COL6A3: variants seen among roughly 807,000 people sequenced by gnomAD.
The protein encoded by COL6A3 is collagen alpha-3(VI) chain.
Under a neutral mutation model 274.1 loss-of-function variants are expected in COL6A3, and 137 were observed. The observed-to-expected ratio is 0.50, with a 90% CI of 0.44 to 0.58. The LOEUF (loss-of-function observed/expected upper bound fraction) is 0.58. COL6A3 is among the 20% of genes least tolerant of loss of function. The pLI, the probability that COL6A3 is intolerant of heterozygous loss-of-function variation, is 0.00. For missense variants in COL6A3, 3,950 were observed against 4,124.9 expected (o/e 0.96, Z 1.16); for synonymous variants, 1,650 against 1,650.6 (o/e 1.00, Z 0.01).
At chr2:237,334,358 C>T (rs886706335) in intron 41 of COL6A3, among the ~76,000 whole-genome samples, 5 of 152,158 alleles carry the variant, frequency 3.3e-5, no homozygotes, top group Non-Finnish European at 5.9e-5. Context: ...TGTGCTCAGG[C>T]GACGTGGATC....
At position 237,369,059 on chromosome 2, in the gene COL6A3, G is replaced by A. The variant is rs371075249; in HGVS notation, c.4404C>T (p.Ile1468=). Residue 1468 remains isoleucine (I), a synonymous_variant, in exon 10 of 44, where the codon ATC becomes ATT. Coordinates refer to ENST00000295550, the MANE Select transcript of COL6A3 (RefSeq NM_004369.4). ...CCCCAACTCTCACTTTACTGGGGCC[G>A]ATGTTGAGTCTTCGAACAATCCTGC... The part of the protein sequence containing the change: ...FVSRIVRRLN[I]GPSKVRVGVV... 47 of 1,614,200 alleles carry A rather than the reference G, an allele frequency of 2.9e-5. No homozygotes were observed. The highest frequency in any genetic ancestry group is 6.7e-5 in the East Asian group (3 of 44,878).
intron 1 of COL6A3, among the ~76,000 whole-genome samples, chr2:237,405,331 G>A (rs1661387688): frequency 1.3e-5 from 2 of 152,042 alleles, no homozygotes; most frequent in Non-Finnish European, 2.9e-5. Context: ...TCTATTGTTT[G>A]TCATGTCCTG....
At position 237,344,329 on chromosome 2, in the gene COL6A3, C is replaced by G. The variant is rs11897148; in HGVS notation, c.7668+21G>C. 5,788 of 1,614,150 alleles carry G rather than the reference C, an allele frequency of 3.6e-3. 165 individuals carry two copies. In the African/African-American group the frequency reaches 0.058, roughly 16 times the overall value. On this transcript the variant is annotated intron_variant, in intron 36 of 43. Coordinates refer to ENST00000295550, the MANE Select transcript of COL6A3 (RefSeq NM_004369.4). The surrounding 1 kb of genome is among the most constrained non-coding windows in gnomAD (Gnocchi z 4.8). ...GCCCCAGAAGAAAGGGAGATGCCAACAGCACGCACAGAGCACAGACCTGCA... is the reference window on the plus strand; with the variant it reads ...GCCCCAGAAGAAAGGGAGATGCCAAGAGCACGCACAGAGCACAGACCTGCA...
chr2:237,348,390 A>C lies in COL6A3; in HGVS notation c.6931-6T>G. The C allele has an allele frequency of 6.3e-7, 1 of 1,592,120 alleles. No individual in the cohort carries two copies. The highest frequency in any genetic ancestry group is 8.6e-7 in the Non-Finnish European group (1 of 1,160,042). On this transcript the variant is annotated splice_polypyrimidine_tract_variant and splice_region_variant and intron_variant, in intron 29 of 43. Transcript: ENST00000295550. ...CCAGGGAATCCTCTTTCTCCCTATA[A>C]AGGAAAAATAGATTATTTAATACTT...
At position 237,378,751 on chromosome 2, in the gene COL6A3, G is replaced by T. The variant is rs1309440736; in HGVS notation, c.2382C>A (p.Ser794Arg). 16 of 1,614,060 alleles carry T rather than the reference G, an allele frequency of 9.9e-6. No homozygotes were observed. Among genetic ancestry groups the T allele is most frequent in the Admixed American group, 1.7e-5 (1 of 60,008 alleles). Reference sequence around the variant, plus strand: ...TGAAATCATCCATGAGATACACCAGGCTTGGGTTAAAAGCAATCTGCTCAA... The same window carrying T: ...TGAAATCATCCATGAGATACACCAGTCTTGGGTTAAAAGCAATCTGCTCAA... The part of the protein sequence containing the change: ...AELEQIAFNP[S>R]LVYLMDDFSS... Residue 794 changes from serine to arginine, a missense_variant, in exon 6 of 44, where the codon AGC (serine) becomes AGA (arginine). Transcript: ENST00000295550.
At position 237,344,277 on chromosome 2, in the gene COL6A3, A is replaced by G; in HGVS notation, c.7668+73T>C. ...ATGGGACATGAAGCCACAAAGGAGCATGGACGTGTCTGAGAACCTTCTCAG... is the reference window on the plus strand; with the variant it reads ...ATGGGACATGAAGCCACAAAGGAGCGTGGACGTGTCTGAGAACCTTCTCAG... On this transcript the variant is annotated intron_variant, in intron 36 of 43. Coordinates refer to ENST00000295550, the MANE Select transcript of COL6A3 (RefSeq NM_004369.4). This position sits in a 1 kb window ranked among gnomAD's most constrained non-coding sequence, Gnocchi z 4.8. The G allele has an allele frequency of 6.2e-7, 1 of 1,609,490 alleles. No homozygotes were observed. The highest frequency in any genetic ancestry group is 8.5e-7 in the Non-Finnish European group (1 of 1,176,918).
chr2:237,367,087 C>T lies in COL6A3; in HGVS notation c.5100G>A (p.Arg1700=), dbSNP rs34340053. The T allele has an allele frequency of 3.7e-3, 5,963 of 1,614,194 alleles. 190 individuals are homozygous for T. The African/African-American group carries it at 0.067, about 18-fold the overall frequency. ...EFFLKDFSTK[R]QIIDAINKVV... ...CTTTGTTGATGGCGTCAATAATCTG[C>T]CTCTTGGTAGAGAAGTCCTTCAGGA... Residue 1700 remains arginine, a synonymous_variant, in exon 11 of 44, where the codon AGG becomes AGA. Coordinates refer to ENST00000295550, the MANE Select transcript of COL6A3 (RefSeq NM_004369.4).
In COL6A3 at chr2:237,354,907, CG is replaced by C; in HGVS notation, c.6618del (p.Gly2207GlufsTer35). 1 of 1,613,656 alleles carries C rather than the reference CG, an allele frequency of 6.2e-7. No individual in the cohort carries two copies. Among genetic ancestry groups the C allele is most frequent in the Non-Finnish European group, 8.5e-7 (1 of 1,179,802 alleles). On this transcript the variant is annotated frameshift_variant, in exon 24 of 44. Transcript: ENST00000295550. LOFTEE classifies it high-confidence loss of function. ...KNGGFGRRGP[P>X]GAKGNKGGPG... ...CACTGCATGAGGCTCACCTTAGCTC[CG>C]GGGGGTCCCCTTCGGCCAAAGCCAC...
At position 237,352,470 on chromosome 2, in the gene COL6A3, C is replaced by A. The variant is rs4663727; in HGVS notation, c.6753+52G>T. ...CGAGAAACTCTCTCAGCCTGCTTGG[C>A]AATGTGCCCTCTGTTCAGCTAGAGA... On this transcript the variant is annotated intron_variant, in intron 26 of 43. Transcript: ENST00000295550. 0.59 allele frequency: 904,653 copies of A among 1,539,480 alleles called. 266,922 individuals carry two copies. The highest frequency in any genetic ancestry group is 0.66 in the East Asian group (28,703 of 43,336).
Position 237,363,327 on chromosome 2 carries a change from C to G in COL6A3, c.5989G>C (p.Gly1997Arg), listed in dbSNP as rs1326219992. Residue 1997 changes from glycine (G) to arginine (R), a missense_variant, in exon 14 of 44, where the codon GGG becomes CGG. Physicochemically the swap from Gly to Arg is moderately radical, Grantham distance 125 (BLOSUM62 -2). Coordinates refer to ENST00000295550, the MANE Select transcript of COL6A3 (RefSeq NM_004369.4). Reference protein sequence around the residue: ...NLERLMHLEFGRGFMYDRPLR... With the variant: ...NLERLMHLEFRRGFMYDRPLR... ...GGCCTGTCATACATAAACCCTCGCCCAAACTCCAGATGCATTAGCCGCTCC... is the reference window on the plus strand; with the variant it reads ...GGCCTGTCATACATAAACCCTCGCCGAAACTCCAGATGCATTAGCCGCTCC... The G allele has an allele frequency of 9.3e-6, 15 of 1,614,144 alleles. No homozygotes were observed. Among genetic ancestry groups the G allele is most frequent in the East Asian group, 4.5e-5 (2 of 44,878 alleles).
chr2:237,396,642 C>A (rs967770045), intron 2 of COL6A3, 85 bp downstream of exon 2: 61 of 1,331,774 alleles, frequency 4.6e-5, no homozygotes, highest in Non-Finnish European at 6.5e-5. Context: ...CATATCTAAG[C>A]TCTATGTCAG....
intron 32 of COL6A3, among the ~76,000 whole-genome samples, chr2:237,345,896 G>A (rs1210418228): frequency 6.6e-6 from 1 of 152,088 alleles, no homozygotes; most frequent in African/African-American, 2.4e-5. Flanking sequence ...TTTCCTTCTA[G>A]GAATGATTTT....
In COL6A3 at chr2:237,380,982, G is replaced by C; in HGVS notation, c.1830C>G (p.Ala610=). 1.2e-6 allele frequency: 2 copies of C among 1,614,190 alleles called. No homozygotes were observed. The highest frequency in any genetic ancestry group is 1.7e-6 in the Non-Finnish European group (2 of 1,180,028). The change falls in exon 5 of 44, where the codon GCC becomes GCG. Residue 610 remains alanine, a synonymous_variant. Coordinates refer to ENST00000295550, the MANE Select transcript of COL6A3 (RefSeq NM_004369.4). ...CAGGCAGCATGCCTTGCAATGGGGCGGCTCGGAACTCAGCTGGGATGAACA... is the reference window on the plus strand; with the variant it reads ...CAGGCAGCATGCCTTGCAATGGGGCCGCTCGGAACTCAGCTGGGATGAACA... ...SLVFIPAEFR[A]APLQGMLPGL...
intron 7 of COL6A3, among the ~76,000 whole-genome samples, chr2:237,375,249 G>A (rs965603493): frequency 6.6e-6 from 1 of 152,184 alleles, no homozygotes; most frequent in African/African-American, 2.4e-5. Flanking sequence ...TATAAGAGGG[G>A]GTAAGAGGGT....
chr2:237,332,475 T>C (rs1340488957), intron 42 of COL6A3, among the ~76,000 whole-genome samples: 1 of 152,182 alleles, frequency 6.6e-6, no homozygotes, highest in Non-Finnish European at 1.5e-5. Context: ...GTGTTCTTTG[T>C]GGCTTCTCTT....
At chr2:237,397,414 G>GGAAA (rs1319425273) in intron 1 of COL6A3, among the ~76,000 whole-genome samples, 4 of 137,672 alleles carry the variant, frequency 2.9e-5, no homozygotes, top group Non-Finnish European at 6.2e-5. Flanking sequence ...GAGGAGAGAA[G>GGAAA]GAAAGAAAGA....
chr2:237,387,896 TG>T lies in COL6A3; in HGVS notation c.997del (p.His333ThrfsTer21). The T allele has an allele frequency of 6.2e-7, 1 of 1,614,054 alleles. No individual in the cohort carries two copies. Among genetic ancestry groups the T allele is most frequent in the Non-Finnish European group, 8.5e-7 (1 of 1,179,988 alleles). On this transcript the variant is annotated frameshift_variant, in exon 4 of 44. Coordinates refer to ENST00000295550, the MANE Select transcript of COL6A3 (RefSeq NM_004369.4). LOFTEE classifies it high-confidence loss of function. ...GLALDFVVEN[H>X]FTRAGGSRVE... ...GCGGCTGCCCCCTGCCCGGGTGAAG[TG>T]GTTCTCCACCACGAAATCAAGGGCG...
rs1318542130 is a variant in COL6A3 at position 237,346,497 on chromosome 2, A to G, written c.7092+6T>C. On this transcript the variant is annotated splice_donor_region_variant and intron_variant, in intron 32 of 43. Coordinates refer to ENST00000295550, the MANE Select transcript of COL6A3 (RefSeq NM_004369.4). ...GTGGCCGGGTCAGAACTGGATAAAT[A>G]CTTACAGCTGGTCCTGGGTAGCCAG... 1 of 1,613,858 alleles carries G rather than the reference A, an allele frequency of 6.2e-7. No individual in the cohort carries two copies. The highest frequency in any genetic ancestry group is 1.7e-5 in the Admixed American group (1 of 60,026).
chr2:237,408,179 G>A (rs1255239440), intron 1 of COL6A3, among the ~76,000 whole-genome samples: 1 of 151,866 alleles, frequency 6.6e-6, no homozygotes, highest in Non-Finnish European at 1.5e-5. Context: ...AAATCAAGTT[G>A]GAACATCTGA....
Sources: gnomAD v4.1 joint callset for allele counts (sites outside exome capture counted in the v4.1 genomes callset) on GRCh38, gnomAD v4.1.1 for gene constraint, Gnocchi (gnomAD v3.1) non-coding constraint, MANE v1.5 for transcripts, NCBI Gene and HGNC (gene_info 2026-07-23, HGNC 2026-07-21) for gene names.